Variants in FBXW7 observed in about 807,000 individuals in gnomAD.
The protein encoded by FBXW7 is F-box/WD repeat-containing protein 7.
A neutral mutation model predicts 86.3 loss-of-function variants in FBXW7; 11 were observed. The observed-to-expected ratio is 0.13, with a 90% CI of 0.08 to 0.21. The LOEUF is 0.21. FBXW7 is among the 10% of genes least tolerant of loss of function. The pLI is 1.00. For synonymous variants in FBXW7, 313 were observed against 297.9 expected, an observed-to-expected ratio of 1.05 and a Z score of -0.52; for missense variants, 488 against 847.4, an observed-to-expected ratio of 0.58 and a Z score of 5.27.
intron 2 of FBXW7, among the ~76,000 whole-genome samples, chr4:152,419,494 A>AACACACACAC (rs57894523): frequency 0.081 from 9,918 of 123,118 alleles, 499 homozygotes; most frequent in Admixed American, 0.1. Context: ...GGATAAGGTA[A>AACACACACAC]ACACACACAC....
intron 2 of FBXW7, among the ~76,000 whole-genome samples, chr4:152,480,724 T>C (rs1385247704): frequency 6.6e-6 from 1 of 152,198 alleles, no homozygotes; most frequent in Non-Finnish European, 1.5e-5. Flanking sequence ...GGTTTGGTGT[T>C]CTGCACAGAA....
chr4:152,528,181 C>G (rs927528511), intron 2 of FBXW7, among the ~76,000 whole-genome samples: 3 of 151,858 alleles, frequency 2.0e-5, no homozygotes, highest in Non-Finnish European at 4.4e-5. Flanking sequence ...CAGAAACACA[C>G]AGAGAGAGAG....
chr4:152,352,674 A>C (rs1258384405), intron 4 of FBXW7: 1 of 1,613,792 alleles, frequency 6.2e-7, no homozygotes, highest in Non-Finnish European at 8.5e-7. Context: ...CCGGCAACAA[A>C]ACTCCACAGT....
At chr4:152,357,848 G>A (rs562138944) in intron 4 of FBXW7, among the ~76,000 whole-genome samples, 6 of 152,098 alleles carry the variant, frequency 3.9e-5, no homozygotes, top group Non-Finnish European at 2.9e-5. Context: ...AATAGTGCAA[G>A]TTAAGAGTTC....
intron 2 of FBXW7, among the ~76,000 whole-genome samples, chr4:152,431,228 A>C (rs539402129): frequency 6.6e-6 from 1 of 152,346 alleles, no homozygotes; most frequent in Non-Finnish European, 1.5e-5. Flanking sequence ...CATTCTGTCA[A>C]AAGACAAAAT....
chr4:152,496,559 T>C (rs1041304498), intron 2 of FBXW7, among the ~76,000 whole-genome samples: 2 of 151,690 alleles, frequency 1.3e-5, no homozygotes, highest in African/African-American at 4.8e-5. Context: ...GCGCCTGTAA[T>C]CCCAGCTACT....
intron 2 of FBXW7, among the ~76,000 whole-genome samples, chr4:152,529,697 T>C (rs1410226855): frequency 6.6e-6 from 1 of 152,092 alleles, no homozygotes; most frequent in African/African-American, 2.4e-5. Context: ...CCAGGTGTGG[T>C]GGCTCACGCC....
At chr4:152,497,536 C>T (rs569133164) in intron 2 of FBXW7, among the ~76,000 whole-genome samples, 1 of 151,916 alleles carries the variant, frequency 6.6e-6, no homozygotes, top group South Asian at 2.1e-4. Flanking sequence ...AAAAACTATG[C>T]AAAGACATTC....
At chr4:152,352,809 C>T (rs1731972362) in intron 4 of FBXW7, 3 of 1,565,374 alleles carry the variant, frequency 1.9e-6, no homozygotes, top group Admixed American at 3.5e-5. Flanking sequence ...GAGACTATGC[C>T]CTGTCAAAGC....
chr4:152,479,812 C>T (rs146990303), intron 2 of FBXW7, among the ~76,000 whole-genome samples: 4 of 152,238 alleles, frequency 2.6e-5, no homozygotes, highest in South Asian at 2.1e-4. Flanking sequence ...CCTTTGTAGT[C>T]GTACAAGATT....
chr4:152,332,589 A>G lies in FBXW7; in HGVS notation c.985+7T>C. ...AAACATATTCTCTATGCAATTTTGA[A>G]CCTTACCCTCTTCTTTGCATTTCTC... On this transcript the variant is annotated splice_region_variant and intron_variant, in intron 8 of 13. Transcript: ENST00000281708. 1 of 1,571,620 alleles carries G rather than the reference A, an allele frequency of 6.4e-7. No homozygotes were observed. The highest frequency in any genetic ancestry group is 8.7e-7 in the Non-Finnish European group (1 of 1,153,120).
At chr4:152,500,011 T>C (rs1426725409) in intron 2 of FBXW7, among the ~76,000 whole-genome samples, 1 of 152,108 alleles carries the variant, frequency 6.6e-6, no homozygotes, top group Admixed American at 6.5e-5. Flanking sequence ...CCACACCCCC[T>C]GAAGTAAAAA....
At chr4:152,481,731 C>T (rs1392692659) in intron 2 of FBXW7, among the ~76,000 whole-genome samples, 1 of 152,180 alleles carries the variant, frequency 6.6e-6, no homozygotes, top group Admixed American at 6.5e-5. Flanking sequence ...GAGGAAATCA[C>T]TGCAGATGTG....
At chr4:152,501,492 A>C (rs972397891) in intron 2 of FBXW7, among the ~76,000 whole-genome samples, 10 of 152,212 alleles carry the variant, frequency 6.6e-5, no homozygotes, top group African/African-American at 2.4e-4. Flanking sequence ...GTAATAAAGA[A>C]AAAAAGGTTG....
At chr4:152,400,692 A>G (rs1736847093) in intron 4 of FBXW7, among the ~76,000 whole-genome samples, 1 of 152,174 alleles carries the variant, frequency 6.6e-6, no homozygotes, top group Non-Finnish European at 1.5e-5. Context: ...ACAGCATGAT[A>G]CATGAAAGAA....
At chr4:152,383,478 T>C (rs1007194706) in intron 4 of FBXW7, among the ~76,000 whole-genome samples, 7 of 152,120 alleles carry the variant, frequency 4.6e-5, no homozygotes, top group African/African-American at 1.7e-4. Flanking sequence ...TTAATCTTTA[T>C]ACTATAATCC....
At chr4:152,515,753 CT>C (rs79255425) in intron 2 of FBXW7, among the ~76,000 whole-genome samples, 2,468 of 129,624 alleles carry the variant, frequency 0.019, 59 homozygotes, top group African/African-American at 0.06. Context: ...CCACAACTCT[CT>C]TTTTTTTTTT....
At chr4:152,526,475 C>A (rs1749523344) in intron 2 of FBXW7, among the ~76,000 whole-genome samples, 1 of 151,884 alleles carries the variant, frequency 6.6e-6, no homozygotes, top group Non-Finnish European at 1.5e-5. Flanking sequence ...ATATTAAGCA[C>A]ACAAAAAAAG....
At chr4:152,360,583 GTCTGGCCCCCAGAC>G (rs1285676095) in intron 4 of FBXW7, among the ~76,000 whole-genome samples, 3 of 151,844 alleles carry the variant, frequency 2.0e-5, no homozygotes, top group Admixed American at 6.6e-5. Flanking sequence ...CACCTCTACT[GTCTGGCCCCCAGAC>G]TCAAAGCCTC....
Sources: allele counts gnomAD v4.1 joint callset (sites outside exome capture counted in the v4.1 genomes callset), GRCh38; gene constraint gnomAD v4.1.1; transcripts MANE v1.5; gene names NCBI Gene and HGNC (gene_info 2026-07-23, HGNC 2026-07-21).